Variants in ZNF184 observed in about 807,000 individuals in gnomAD.
The protein encoded by ZNF184 is zinc finger protein 184.
Under a neutral mutation model 54.4 loss-of-function variants are expected in ZNF184, and 16 were observed. The observed-to-expected ratio is 0.29, with a 90% CI of 0.20 to 0.45. The LOEUF is 0.45. Ranked by LOEUF, ZNF184 falls within the 20% of genes least tolerant of loss-of-function variation. The pLI is 1.00. For missense variants in ZNF184, 681 were observed against 888.2 expected (o/e 0.77, Z 2.97); for synonymous variants, 254 against 295.3 (o/e 0.86, Z 1.43).
chr6:27,414,733 A>T, the ZNF184 span, among the ~76,000 whole-genome samples: 3 of 151,966 alleles, frequency 2.0e-5, no homozygotes, highest in Non-Finnish European at 4.4e-5. Flanking sequence ...TCTTCATAGT[A>T]TATACTCTAT....
the ZNF184 span, among the ~76,000 whole-genome samples, chr6:27,439,803 A>G: frequency 6.6e-6 from 1 of 151,904 alleles, no homozygotes; most frequent in Non-Finnish European, 1.5e-5. Flanking sequence ...CAGTATGTAT[A>G]GGGTTCAGTA....
At chr6:27,458,452 G>A (rs1762919728) in intron 3 of ZNF184, among the ~76,000 whole-genome samples, 1 of 151,868 alleles carries the variant, frequency 6.6e-6, no homozygotes, top group African/African-American at 2.4e-5. Context: ...TAAAAAGTGG[G>A]TGAAGTATCT....
At chr6:27,430,761 A>C in the ZNF184 span, among the ~76,000 whole-genome samples, 1 of 152,238 alleles carries the variant, frequency 6.6e-6, no homozygotes, top group African/African-American at 2.4e-5. Context: ...AATTTATTGC[A>C]GTGTTCATAG....
chr6:27,452,750 C>A lies in ZNF184; in HGVS notation c.809G>T (p.Arg270Ile), dbSNP rs199917573. The A allele has an allele frequency of 2.5e-6, 4 of 1,613,798 alleles. No individual in the cohort carries two copies. The highest frequency in any genetic ancestry group is 2.5e-6 in the Non-Finnish European group (3 of 1,179,982). Residue 270 changes from arginine to isoleucine, a missense_variant, in exon 6 of 6, where the codon AGA becomes ATA. Physicochemically the swap from Arg to Ile is moderately conservative, Grantham distance 97 (BLOSUM62 -3). Transcript: ENST00000683788. This position sits in a 1 kb window ranked among gnomAD's most constrained non-coding sequence, Gnocchi z 5.5. Reference sequence around the variant, plus strand: ...ATATGGTTTATCTCCAGTATGAATTCTTTGATGGTTTATAAGGTTTTCACT... The same window carrying A: ...ATATGGTTTATCTCCAGTATGAATTATTTGATGGTTTATAAGGTTTTCACT... The part of the protein sequence containing the change: ...SRSENLINHQ[R>I]IHTGDKPYKC...
In ZNF184 at chr6:27,457,265, CAG is replaced by C. The variant is rs754429217; in HGVS notation, c.202+16_202+17del. The C allele has an allele frequency of 1.2e-6, 2 of 1,612,584 alleles. No individual in the cohort carries two copies. ...TCCTGCACACCCCTTGATATTAACT[CAG>C]AGAAATTATCCTTACCTATAGAGAC... On this transcript the variant is annotated intron_variant, in intron 4 of 5. Coordinates refer to ENST00000683788, the MANE Select transcript of ZNF184 (RefSeq NM_001318891.2).
At chr6:27,438,917 A>G in the ZNF184 span, among the ~76,000 whole-genome samples, 4 of 152,128 alleles carry the variant, frequency 2.6e-5, no homozygotes, top group East Asian at 1.9e-4. Context: ...CATTTTGCCA[A>G]TCTCTAAAAG....
intron 5 of ZNF184, among the ~76,000 whole-genome samples, chr6:27,455,388 T>C (rs1762829058): frequency 6.6e-6 from 1 of 152,232 alleles, no homozygotes; most frequent in Non-Finnish European, 1.5e-5. Context: ...AAAGTAGTTT[T>C]TGAAAAGCCT....
At chr6:27,412,905 A>G in the ZNF184 span, among the ~76,000 whole-genome samples, 7,255 of 152,302 alleles carry the variant, frequency 0.048, 203 homozygotes, top group African/African-American at 0.081. Context: ...TATATGGCAA[A>G]GGATATGAAG....
chr6:27,423,862 T>C, the ZNF184 span, among the ~76,000 whole-genome samples: 2 of 152,254 alleles, frequency 1.3e-5, no homozygotes, highest in Non-Finnish European at 2.9e-5. Flanking sequence ...AATTTTGAAT[T>C]CTTATACCAC....
At chr6:27,429,905 C>G in the ZNF184 span, among the ~76,000 whole-genome samples, 1 of 152,146 alleles carries the variant, frequency 6.6e-6, no homozygotes, top group Non-Finnish European at 1.5e-5. Context: ...TGGCACAGAG[C>G]CTTCATAAGG....
Position 27,452,157 on chromosome 6 carries a change from G to T in ZNF184, c.1402C>A (p.His468Asn). 3.1e-6 allele frequency: 5 copies of T among 1,614,120 alleles called. No homozygotes were observed. The highest frequency in any genetic ancestry group is 4.2e-6 in the Non-Finnish European group (5 of 1,180,024). Residue 468 changes from histidine to asparagine, a missense_variant, in exon 6 of 6, where the codon CAT becomes AAT. Coordinates refer to ENST00000683788, the MANE Select transcript of ZNF184 (RefSeq NM_001318891.2). This position sits in a 1 kb window ranked among gnomAD's most constrained non-coding sequence, Gnocchi z 5.5. ...CATTTGTAAGGTTTTTCTCCAGTAT[G>T]AATTTTCAGGTGTTGAGCAAGGGAT... The part of the protein sequence containing the change: ...WSSLAQHLKI[H>N]TGEKPYKCNE...
chr6:27,461,039 A>C (rs1435135537), intron 3 of ZNF184, among the ~76,000 whole-genome samples: 2 of 152,308 alleles, frequency 1.3e-5, no homozygotes, highest in East Asian at 3.9e-4. Flanking sequence ...CTGGGACAAG[A>C]TGTACCAAAC....
intron 3 of ZNF184, among the ~76,000 whole-genome samples, chr6:27,467,423 G>A (rs1368155054): frequency 3.9e-5 from 6 of 151,970 alleles, no homozygotes; most frequent in Non-Finnish European, 7.4e-5. Context: ...ATGAAACCCC[G>A]TCTCTACTAA....
the ZNF184 span, among the ~76,000 whole-genome samples, chr6:27,434,477 T>G: frequency 2.2e-3 from 336 of 152,338 alleles, 1 homozygote; most frequent in African/African-American, 7.8e-3. Context: ...CTTTGGAAAA[T>G]TTTCTATTCA....
chr6:27,469,221 A>G (rs1763213028), intron 2 of ZNF184, among the ~76,000 whole-genome samples: 2 of 152,262 alleles, frequency 1.3e-5, no homozygotes, highest in African/African-American at 4.8e-5. Flanking sequence ...AAGAGGAGAT[A>G]GTGGTGAGGA....
At chr6:27,439,702 G>A in the ZNF184 span, among the ~76,000 whole-genome samples, 1 of 152,166 alleles carries the variant, frequency 6.6e-6, no homozygotes, top group Non-Finnish European at 1.5e-5. Context: ...TACTATTATA[G>A]TTGTTTTATT....
chr6:27,450,662 C>G (rs1174350913), downstream of ZNF184: 3 of 151,552 alleles, frequency 2.0e-5, no homozygotes, highest in Admixed American at 2.0e-4. Flanking sequence ...AATATGCAAC[C>G]AGGGTAAAAT....
At chr6:27,421,173 T>C in the ZNF184 span, among the ~76,000 whole-genome samples, 5 of 152,256 alleles carry the variant, frequency 3.3e-5, no homozygotes, top group Non-Finnish European at 7.3e-5. Context: ...TACATGCCAC[T>C]ATACATTTGT....
chr6:27,434,142 T>TGAGTAG, the ZNF184 span, among the ~76,000 whole-genome samples: 1 of 152,154 alleles, frequency 6.6e-6, no homozygotes, highest in East Asian at 1.9e-4. Flanking sequence ...CGCCTCAGCC[T>TGAGTAG]CCTGAGTAGC....
Sources: allele counts gnomAD v4.1 joint callset (sites outside exome capture counted in the v4.1 genomes callset), GRCh38; gene constraint gnomAD v4.1.1; non-coding constraint Gnocchi (gnomAD v3.1); transcripts MANE v1.5; gene names NCBI Gene and HGNC (gene_info 2026-07-23, HGNC 2026-07-21).